The following ZSCAN30 variants were observed in gnomAD, a reference collection of about 807,000 sequenced individuals.
ZSCAN30 encodes the protein zinc finger and SCAN domain containing 30, also known as zinc finger and SCAN domain-containing protein 30.
A neutral mutation model predicts 44.3 loss-of-function variants in ZSCAN30; 37 were observed. The observed-to-expected ratio is 0.84, with a 90% CI of 0.64 to 1.10. The LOEUF (loss-of-function observed/expected upper bound fraction) is 1.10, where lower values mean the gene tolerates loss of function less well. Ranked by LOEUF, ZSCAN30 falls within the 50% of genes least tolerant of loss-of-function variation. The pLI is 0.00. For synonymous variants in ZSCAN30, 181 were observed against 204.6 expected (o/e 0.88, Z 0.98); for missense variants, 549 against 582.6 (o/e 0.94, Z 0.59).
intron 1 of ZSCAN30, chr18:35,282,138 TTA>T (rs1232376628): frequency 6.6e-6 from 1 of 152,182 alleles, no homozygotes; most frequent in Non-Finnish European, 1.5e-5. Context: ...ACTTGAAAAT[TTA>T]TGTTTCTTCC....
In ZSCAN30 at chr18:35,264,467, C is replaced by A; in HGVS notation, c.-103-12G>T. 1 of 1,067,640 alleles carries A rather than the reference C, an allele frequency of 9.4e-7. No homozygotes were observed. Among genetic ancestry groups the A allele is most frequent in the Non-Finnish European group, 1.3e-6 (1 of 753,256 alleles). 66.1% of individuals were successfully genotyped at this position (1,067,640 alleles called of 1,614,324 possible). A position where few individuals can be genotyped will look rare whatever the true frequency, so the allele number is the denominator to read the frequency against. ...TCCCCAGGACGCTCCTGAGGGTGGA[C>A]AATGCTCATGTTACACAGGGAAAAT... is the stretch of plus-strand genomic sequence containing the variant. On this transcript the variant is annotated splice_polypyrimidine_tract_variant and intron_variant, in intron 1 of 3. Transcript: ENST00000333206.
chr18:35,261,962 G>C (rs1200992574), intron 3 of ZSCAN30: 1 of 152,178 alleles, frequency 6.6e-6, no homozygotes, highest in Admixed American at 6.5e-5. Context: ...ATGATGCCTG[G>C]GGAAGGTTGG....
chr18:35,272,287 C>T (rs2044296175), intron 1 of ZSCAN30, among the ~76,000 whole-genome samples: 1 of 152,156 alleles, frequency 6.6e-6, no homozygotes, highest in African/African-American at 2.4e-5. Context: ...GCCTTGGCCT[C>T]CCAAAGTGCT....
At chr18:35,288,354 T>C (rs1372308366) in intron 1 of ZSCAN30, among the ~76,000 whole-genome samples, 1 of 152,230 alleles carries the variant, frequency 6.6e-6, no homozygotes, top group Non-Finnish European at 1.5e-5. Context: ...GGTAAGGATG[T>C]GGAGGAACCG....
At position 35,263,007 on chromosome 18, in the gene ZSCAN30, T is replaced by A. The variant is rs541670252; in HGVS notation, c.553+506A>T. 3.1e-4 allele frequency: 55 copies of A among 178,784 alleles called. 1 individual carries two copies. The South Asian group carries it at 4.7e-3, about 15-fold the overall frequency. 11.1% of individuals were successfully genotyped at this position (178,784 alleles called of 1,614,324 possible). On this transcript the variant is annotated intron_variant, in intron 3 of 3. Coordinates refer to ENST00000333206, the MANE Select transcript of ZSCAN30 (RefSeq NM_001112734.4). ...ATTATGTGGTTTCTATTACTGAAAA[T>A]GTATTCATCTCCATCTTAGGGACTG...
intron 1 of ZSCAN30, among the ~76,000 whole-genome samples, chr18:35,274,160 C>T (rs539993647): frequency 5.3e-5 from 8 of 152,216 alleles, no homozygotes; most frequent in South Asian, 2.1e-4. Context: ...GGACTACGGG[C>T]GCCCGCCACC....
intron 1 of ZSCAN30, among the ~76,000 whole-genome samples, chr18:35,275,415 CA>C (rs2044351960): frequency 6.6e-6 from 1 of 152,208 alleles, no homozygotes; most frequent in Admixed American, 6.5e-5. Context: ...GCCATTTTCT[CA>C]AGCATTATTC....
chr18:35,280,292 TAGAG>T (rs1303593655), intron 1 of ZSCAN30, among the ~76,000 whole-genome samples: 19 of 109,144 alleles, frequency 1.7e-4, no homozygotes, highest in Admixed American at 7.5e-4. Flanking sequence ...AAAAAAAAAA[TAGAG>T]AGGAGAGAGA....
intron 1 of ZSCAN30, among the ~76,000 whole-genome samples, chr18:35,286,676 A>G (rs2044556613): frequency 6.6e-6 from 1 of 152,142 alleles, no homozygotes; most frequent in Non-Finnish European, 1.5e-5. Context: ...CTTAACAGAG[A>G]AAGGATGCTT....
chr18:35,288,385 T>C (rs1452437684), intron 1 of ZSCAN30, among the ~76,000 whole-genome samples: 3 of 152,202 alleles, frequency 2.0e-5, no homozygotes, highest in African/African-American at 7.2e-5. Context: ...GTACTCATGT[T>C]AGGAATGCAA....
At chr18:35,285,526 G>T (rs1188872204) in intron 1 of ZSCAN30, among the ~76,000 whole-genome samples, 2 of 152,004 alleles carry the variant, frequency 1.3e-5, no homozygotes, top group African/African-American at 2.4e-5. Flanking sequence ...AGATTTTAAA[G>T]GATTCAAGTC....
chr18:35,282,790 T>G (rs1442281058), intron 1 of ZSCAN30: 1 of 152,216 alleles, frequency 6.6e-6, no homozygotes, highest in Admixed American at 6.5e-5. Context: ...AACATGGATT[T>G]CAGTCCATTT....
chr18:35,262,363 A>G (rs2044044756), intron 3 of ZSCAN30: 1 of 152,204 alleles, frequency 6.6e-6, no homozygotes, highest in South Asian at 2.1e-4. Context: ...GATTTTGCCA[A>G]TAACATAATC....
intron 1 of ZSCAN30, among the ~76,000 whole-genome samples, chr18:35,274,333 G>T (rs1052647843): frequency 2.6e-5 from 4 of 151,918 alleles, no homozygotes; most frequent in Non-Finnish European, 5.9e-5. Context: ...CACCGTGCCC[G>T]GCCGAAGGTA....
At chr18:35,280,556 G>A (rs566431093) in intron 1 of ZSCAN30, among the ~76,000 whole-genome samples, 47 of 152,300 alleles carry the variant, frequency 3.1e-4, no homozygotes, top group Admixed American at 2.0e-3. Context: ...GGGAATTATA[G>A]TATTTCTTGA....
At chr18:35,280,606 C>A (rs1488724456) in intron 1 of ZSCAN30, among the ~76,000 whole-genome samples, 1 of 152,218 alleles carries the variant, frequency 6.6e-6, no homozygotes, top group Non-Finnish European at 1.5e-5. Flanking sequence ...ACCTTGGGAA[C>A]TGTGATTACA....
chr18:35,266,109 A>C (rs933077307), intron 1 of ZSCAN30, among the ~76,000 whole-genome samples: 1 of 152,184 alleles, frequency 6.6e-6, no homozygotes, highest in East Asian at 1.9e-4. Context: ...CATGAACCGC[A>C]AGGCAGACTT....
At chr18:35,256,372 C>T (rs1244103826) in intron 3 of ZSCAN30, 2 of 151,920 alleles carry the variant, frequency 1.3e-5, no homozygotes, top group Non-Finnish European at 2.9e-5. Flanking sequence ...CCAACTTGGC[C>T]AACATGGCAA....
intron 1 of ZSCAN30, chr18:35,267,754 T>C (rs1001974561): frequency 6.6e-6 from 1 of 151,328 alleles, no homozygotes; most frequent in African/African-American, 2.4e-5. Flanking sequence ...TACATAAAAA[T>C]ATACGTATAT....
Sources: allele counts gnomAD v4.1 joint callset (sites outside exome capture counted in the v4.1 genomes callset), GRCh38; gene constraint gnomAD v4.1.1; transcripts MANE v1.5; gene names NCBI Gene and HGNC (gene_info 2026-07-23, HGNC 2026-07-21).